UGT1A8: variants seen among roughly 807,000 people sequenced by gnomAD.
The protein encoded by UGT1A8 is UDP glucuronosyltransferase family 1 member A8.
Under a neutral mutation model 45.3 loss-of-function variants are expected in UGT1A8, and 39 were observed. That is an observed-to-expected ratio of 0.86 (90% confidence interval 0.67 to 1.12). The LOEUF (loss-of-function observed/expected upper bound fraction) is 1.12. UGT1A8 is among the 50% of genes most tolerant of loss of function. The pLI, the probability that UGT1A8 is intolerant of heterozygous loss-of-function variation, is 0.00. For missense variants in UGT1A8, 719 were observed against 664.9 expected (o/e 1.08, Z -0.90); for synonymous variants, 275 against 249.2 (o/e 1.10, Z -0.97).
chr2:233,756,808 C>T (rs1575745774), intron 1 of UGT1A8, among the ~76,000 whole-genome samples: 1 of 152,078 alleles, frequency 6.6e-6, no homozygotes, highest in Non-Finnish European at 1.5e-5. Context: ...TAGTAAAGGT[C>T]ACTCAATTCC....
At chr2:233,679,270 A>G (rs1487537750) in intron 1 of UGT1A8, among the ~76,000 whole-genome samples, 1 of 152,238 alleles carries the variant, frequency 6.6e-6, no homozygotes, top group Admixed American at 6.5e-5. Flanking sequence ...CTTGCTGGCA[A>G]TGCATTTTCT....
At chr2:233,729,306 C>T (rs146717613) in intron 1 of UGT1A8, 13 of 1,614,122 alleles carry the variant, frequency 8.1e-6, no homozygotes, top group Non-Finnish European at 1.1e-5. Flanking sequence ...AGGCAGTGGT[C>T]CTCACCCCAG....
Position 233,617,987 on chromosome 2 carries a change from GC to G in UGT1A8, c.282del (p.Asp95MetfsTer16). ...TCTGGACCGGGAATTCATGGATTTCGCCGATGCTCAATGGAAAGCACAAGTA... is the reference window on the plus strand; with the variant it reads ...TCTGGACCGGGAATTCATGGATTTCGCGATGCTCAATGGAAAGCACAAGTA... ...EDLDREFMDF[A>X]DAQWKAQVRS... On this transcript the variant is annotated frameshift_variant, in exon 1 of 5. Coordinates refer to ENST00000373450, the MANE Select transcript of UGT1A8 (RefSeq NM_019076.5). LOFTEE classifies it high-confidence loss of function. The G allele has an allele frequency of 6.2e-7, 1 of 1,614,140 alleles. No homozygotes were observed. Among genetic ancestry groups the G allele is most frequent in the Non-Finnish European group, 8.5e-7 (1 of 1,180,036 alleles).
chr2:233,741,996 A>ATACACT (rs904144807), intron 1 of UGT1A8: 1 of 151,922 alleles, frequency 6.6e-6, no homozygotes, highest in African/African-American at 2.4e-5. Flanking sequence ...AATATTACAG[A>ATACACT]TACACTTGGC....
At chr2:233,682,865 A>C in intron 1 of UGT1A8, 1 of 1,527,428 alleles carries the variant, frequency 6.5e-7, no homozygotes, top group Non-Finnish European at 8.8e-7. Flanking sequence ...ACAGAATCAT[A>C]ATTTATCATT....
chr2:233,765,140 A>C lies in UGT1A8; in HGVS notation c.856-1894A>C, dbSNP rs1698761038. 3.3e-5 allele frequency among the ~76,000 whole-genome samples: 5 copies of C among 152,146 alleles called. No individual in the cohort carries two copies. In the South Asian group the frequency reaches 1.0e-3, roughly 32 times the overall value. ...TGTTCAGGTTTTAGCACTGAACATCACATGTCCTAGGGAACCCCTCAGTTT... is the reference window on the plus strand; with the variant it reads ...TGTTCAGGTTTTAGCACTGAACATCCCATGTCCTAGGGAACCCCTCAGTTT... On this transcript the variant is annotated intron_variant, in intron 1 of 4. Transcript: ENST00000373450.
At chr2:233,712,193 C>T (rs144263331) in intron 1 of UGT1A8, among the ~76,000 whole-genome samples, 3 of 152,338 alleles carry the variant, frequency 2.0e-5, no homozygotes, top group Admixed American at 6.5e-5. Context: ...CCAGCTCCCC[C>T]GGTCCCTTGG....
chr2:233,618,042 C>T lies in UGT1A8; in HGVS notation c.335C>T (p.Ser112Leu). The change falls in exon 1 of 5, where the codon TCA (serine) becomes TTA (leucine). Residue 112 changes from serine to leucine, a missense_variant. Transcript: ENST00000373450. Reference sequence around the variant, plus strand: ...AGTTTGTTTTCTCTATTTCTGAGTTCATCCAATGGTTTTTTTAACTTATTT... The same window carrying T: ...AGTTTGTTTTCTCTATTTCTGAGTTTATCCAATGGTTTTTTTAACTTATTT... Reference protein sequence around the residue: ...VRSLFSLFLSSSNGFFNLFFS... With the variant: ...VRSLFSLFLSLSNGFFNLFFS... 2 of 1,614,082 alleles carry T rather than the reference C, an allele frequency of 1.2e-6. No homozygotes were observed. The highest frequency in any genetic ancestry group is 1.1e-5 in the South Asian group (1 of 91,054).
At chr2:233,695,283 T>A (rs546580338) in intron 1 of UGT1A8, among the ~76,000 whole-genome samples, 12 of 151,886 alleles carry the variant, frequency 7.9e-5, no homozygotes, top group Non-Finnish European at 8.8e-5. Flanking sequence ...GTGCCACCAT[T>A]CCCAGCTAAT....
In UGT1A8 at chr2:233,633,592, T is replaced by C. The variant is rs191584422; in HGVS notation, c.855+15030T>C. 2.4e-3 allele frequency among the ~76,000 whole-genome samples: 363 copies of C among 152,360 alleles called. 1 individual carries two copies. Among genetic ancestry groups the C allele is most frequent in the African/African-American group, 8.1e-3 (335 of 41,584 alleles). ...TTTCTCCTAGAATGTCTAGTTTATT[T>C]GTGTAGAGGTGTTGATAGTATTCTC... On this transcript the variant is annotated intron_variant, in intron 1 of 4. Transcript: ENST00000373450.
At chr2:233,707,347 A>G (rs934589203) in intron 1 of UGT1A8, among the ~76,000 whole-genome samples, 7 of 152,128 alleles carry the variant, frequency 4.6e-5, no homozygotes, top group African/African-American at 1.7e-4. Context: ...TGCTGCCCAG[A>G]TCAACCCATC....
At chr2:233,687,867 C>G (rs1299478356) in intron 1 of UGT1A8, among the ~76,000 whole-genome samples, 2 of 152,166 alleles carry the variant, frequency 1.3e-5, no homozygotes, top group Non-Finnish European at 2.9e-5. Flanking sequence ...ATGACTATTC[C>G]ACTCCACTCC....
chr2:233,706,700 A>G (rs934221119), intron 1 of UGT1A8, among the ~76,000 whole-genome samples: 1 of 152,156 alleles, frequency 6.6e-6, no homozygotes, highest in African/African-American at 2.4e-5. Flanking sequence ...TTGTCACTGA[A>G]AAGTCATGGA....
At chr2:233,643,806 G>T (rs1001196538) in intron 1 of UGT1A8, among the ~76,000 whole-genome samples, 2 of 152,132 alleles carry the variant, frequency 1.3e-5, no homozygotes, top group African/African-American at 2.4e-5. Context: ...AAGGCAGCAG[G>T]TTCCCTTCTA....
Position 233,772,929 on chromosome 2 carries a change from C to G in UGT1A8, c.*370C>G, listed in dbSNP as rs1186146273. On this transcript the variant is annotated 3_prime_UTR_variant, in exon 5 of 5. Transcript: ENST00000373450. ...CCCTACTGCAAATGGCAGTTTTAAT[C>G]TTATCTTTTGGCTTCTGCAGATGGT... is the stretch of plus-strand genomic sequence containing the variant. The G allele has an allele frequency of 2.8e-6, 1 of 355,154 alleles. No homozygotes were observed. The highest frequency in any genetic ancestry group is 4.3e-5 in the Admixed American group (1 of 23,230). 22.0% of individuals were successfully genotyped at this position (355,154 alleles called of 1,614,324 possible). A position where few individuals can be genotyped will look rare whatever the true frequency, so the allele number is the denominator to read the frequency against.
At chr2:233,704,886 C>A (rs2075811703) in intron 1 of UGT1A8, among the ~76,000 whole-genome samples, 1 of 152,124 alleles carries the variant, frequency 6.6e-6, no homozygotes, top group Admixed American at 6.5e-5. Context: ...GTAATCCCAG[C>A]ACTTTGGAAG....
intron 1 of UGT1A8, among the ~76,000 whole-genome samples, 190 bp downstream of exon 1, chr2:233,618,752 G>T (rs17864670): frequency 0.042 from 6,417 of 152,026 alleles, 161 homozygotes; most frequent in Non-Finnish European, 0.061. Context: ...CTTCTTGAAG[G>T]TGTGTGTATA....
At chr2:233,627,923 T>A (rs193193551) in intron 1 of UGT1A8, among the ~76,000 whole-genome samples, 1 of 151,986 alleles carries the variant, frequency 6.6e-6, no homozygotes, top group African/African-American at 2.4e-5. Context: ...AGTAGAGCCA[T>A]GAGAGATCAC....
At chr2:233,677,264 A>C (rs1001758295) in intron 1 of UGT1A8, among the ~76,000 whole-genome samples, 1 of 152,136 alleles carries the variant, frequency 6.6e-6, no homozygotes, top group Non-Finnish European at 1.5e-5. Context: ...ATCCCTAAGT[A>C]TATCATGTTT....
Sources: gnomAD v4.1 joint callset for allele counts (sites outside exome capture counted in the v4.1 genomes callset) on GRCh38, gnomAD v4.1.1 for gene constraint, MANE v1.5 for transcripts, NCBI Gene and HGNC (gene_info 2026-07-23, HGNC 2026-07-21) for gene names.